PDE4B: variants seen among roughly 807,000 people sequenced by gnomAD.
The protein encoded by PDE4B is 3',5'-cyclic-AMP phosphodiesterase 4B.
PDE4B carries 20 observed loss-of-function variants against 82.2 expected under a neutral mutation model. That is an observed-to-expected ratio of 0.24 (90% CI 0.17 to 0.35). The LOEUF is 0.35. PDE4B is among the 10% of genes least tolerant of loss of function. The pLI, the probability that PDE4B is intolerant of heterozygous loss-of-function variation, is 1.00. For synonymous variants in PDE4B, 320 were observed against 318.9 expected (o/e 1.00, Z -0.04); for missense variants, 655 against 907.2 (o/e 0.72, Z 3.57).
At chr1:65,794,856 T>A (rs1054972660) in intron 1 of PDE4B, among the ~76,000 whole-genome samples, 4 of 152,232 alleles carry the variant, frequency 2.6e-5, no homozygotes, top group African/African-American at 9.6e-5. Flanking sequence ...CTTGTTACAG[T>A]TGGGAGCTAA....
chr1:66,218,544 T>C (rs1205408331), intron 3 of PDE4B, among the ~76,000 whole-genome samples: 2 of 152,140 alleles, frequency 1.3e-5, no homozygotes, highest in Non-Finnish European at 2.9e-5. Context: ...CATTTCATTC[T>C]GTTTTCCAAA....
At chr1:66,332,719 A>G in intron 8 of PDE4B, 99 bp downstream of exon 8, 2 of 881,226 alleles carry the variant, frequency 2.3e-6, no homozygotes, top group South Asian at 3.3e-5. Flanking sequence ...GAATGCTACC[A>G]ACTCTAAGAA....
At chr1:66,128,754 C>G (rs1056545335) in intron 3 of PDE4B, among the ~76,000 whole-genome samples, 2 of 152,130 alleles carry the variant, frequency 1.3e-5, no homozygotes, top group African/African-American at 4.8e-5. Flanking sequence ...CTAGGGAGGT[C>G]TCACAATCAT....
chr1:66,171,070 G>A (rs2101336300), intron 3 of PDE4B, among the ~76,000 whole-genome samples: 1 of 152,256 alleles, frequency 6.6e-6, no homozygotes. Flanking sequence ...AATCAGAAAA[G>A]CAAAGCACTC....
chr1:66,352,435 C>T (rs565186184), intron 8 of PDE4B, among the ~76,000 whole-genome samples: 1 of 152,294 alleles, frequency 6.6e-6, no homozygotes, highest in South Asian at 2.1e-4. Flanking sequence ...TCCCTGATTC[C>T]ATATTGAAAG....
At chr1:66,205,790 T>C (rs1407320806) in intron 3 of PDE4B, among the ~76,000 whole-genome samples, 2 of 152,348 alleles carry the variant, frequency 1.3e-5, no homozygotes, top group African/African-American at 4.8e-5. Flanking sequence ...CTAAAAGTTA[T>C]ACAACTAGTG....
intron 3 of PDE4B, among the ~76,000 whole-genome samples, chr1:66,233,394 T>A (rs1037435180): frequency 4.6e-5 from 7 of 152,196 alleles, no homozygotes; most frequent in Non-Finnish European, 1.0e-4. Flanking sequence ...ACATTTGGAT[T>A]GTTTCCAGTT....
At chr1:66,286,295 T>G (rs1335984077) in intron 7 of PDE4B, among the ~76,000 whole-genome samples, 3 of 152,178 alleles carry the variant, frequency 2.0e-5, no homozygotes, top group African/African-American at 7.2e-5. Flanking sequence ...AGCCCCATCA[T>G]TAATACTAAT....
At chr1:66,121,042 T>C (rs1645699044) in intron 3 of PDE4B, among the ~76,000 whole-genome samples, 1 of 152,208 alleles carries the variant, frequency 6.6e-6, no homozygotes, top group Admixed American at 6.5e-5. Flanking sequence ...AATGTTTTTG[T>C]CCACTCTCTA....
At chr1:66,272,145 C>T (rs1477442046) in intron 7 of PDE4B, among the ~76,000 whole-genome samples, 2 of 152,214 alleles carry the variant, frequency 1.3e-5, no homozygotes, top group African/African-American at 4.8e-5. Context: ...TGCCTCGAGC[C>T]TGGTCATGCA....
intron 3 of PDE4B, among the ~76,000 whole-genome samples, chr1:66,163,552 T>G: frequency 6.6e-6 from 1 of 152,176 alleles, no homozygotes; most frequent in African/African-American, 2.4e-5. Context: ...TTTTTCATAT[T>G]AAAGAATTAC....
chr1:66,278,054 T>G (rs904152832), intron 7 of PDE4B, among the ~76,000 whole-genome samples: 6 of 152,258 alleles, frequency 3.9e-5, no homozygotes, highest in African/African-American at 1.4e-4. Context: ...ATATTAGTTG[T>G]TTTTAATATA....
chr1:66,256,851 G>A (rs1654270253), intron 4 of PDE4B, among the ~76,000 whole-genome samples: 1 of 152,190 alleles, frequency 6.6e-6, no homozygotes, highest in African/African-American at 2.4e-5. Flanking sequence ...ATAGCAAAGT[G>A]GCCTGATTTT....
intron 3 of PDE4B, among the ~76,000 whole-genome samples, chr1:66,022,091 A>C (rs758759912): frequency 6.6e-6 from 1 of 152,068 alleles, no homozygotes; most frequent in African/African-American, 2.4e-5. Flanking sequence ...GTGGGAGTTC[A>C]CTCGTGATTT....
intron 3 of PDE4B, among the ~76,000 whole-genome samples, chr1:66,201,007 T>C (rs1276784830): frequency 2.0e-5 from 3 of 152,212 alleles, no homozygotes; most frequent in African/African-American, 7.2e-5. Flanking sequence ...CTTATTATTT[T>C]GAGATACATC....
chr1:65,801,250 C>T (rs562756316), intron 1 of PDE4B, among the ~76,000 whole-genome samples: 3 of 152,262 alleles, frequency 2.0e-5, no homozygotes, highest in Non-Finnish European at 2.9e-5. Flanking sequence ...CTTGGATCCT[C>T]GGTGGCATTT....
chr1:65,877,906 G>C (rs1377550537), intron 1 of PDE4B, among the ~76,000 whole-genome samples: 2 of 151,906 alleles, frequency 1.3e-5, no homozygotes, highest in Non-Finnish European at 2.9e-5. Flanking sequence ...AAACTAAAGA[G>C]GTTCTGCACA....
At chr1:66,251,589 A>G (rs1336561165) in intron 4 of PDE4B, among the ~76,000 whole-genome samples, 1 of 152,184 alleles carries the variant, frequency 6.6e-6, no homozygotes, top group African/African-American at 2.4e-5. Context: ...GCAGTTTCAG[A>G]TAAGGGCAGG....
intron 1 of PDE4B, among the ~76,000 whole-genome samples, chr1:65,856,082 T>TA (rs1300898335): frequency 6.6e-6 from 1 of 152,198 alleles, no homozygotes; most frequent in Non-Finnish European, 1.5e-5. Context: ...ATGACCAAAA[T>TA]ATGCCTATCT....
Sources: gnomAD v4.1 joint callset for allele counts (sites outside exome capture counted in the v4.1 genomes callset) on GRCh38, gnomAD v4.1.1 for gene constraint, MANE v1.5 for transcripts, NCBI Gene and HGNC (gene_info 2026-07-23, HGNC 2026-07-21) for gene names.